MACF1: variants seen among roughly 807,000 people sequenced by gnomAD.
MACF1 encodes the protein microtubule actin crosslinking factor 1.
A neutral mutation model predicts 854.8 loss-of-function variants in MACF1; 193 were observed. The observed-to-expected ratio is 0.23, with a 90% CI of 0.20 to 0.25. The LOEUF (loss-of-function observed/expected upper bound fraction) is 0.25, where lower values mean the gene tolerates loss of function less well. Among genes scored for constraint, MACF1 ranks in the 10% least tolerant of loss-of-function variants. MACF1 has a pLI of 1.00. For synonymous variants in MACF1, 3,185 were observed against 3,226.7 expected, an observed-to-expected ratio of 0.99 and a Z score of 0.44; for missense variants, 7,722 against 8,929.1, an observed-to-expected ratio of 0.86 and a Z score of 5.45.
In MACF1 at chr1:39,382,169, C is replaced by T; in HGVS notation, c.13848+17C>T. 6.2e-7 allele frequency: 1 copy of T among 1,608,776 alleles called. No homozygotes were observed. The highest frequency in any genetic ancestry group is 8.5e-7 in the Non-Finnish European group (1 of 1,177,870). ...CAGGTCCAGGTGAGCAATATAGCAA[C>T]AAAGAAATTGGAATCACATGAAACT... is the stretch of plus-strand genomic sequence containing the variant. On this transcript the variant is annotated intron_variant, in intron 56 of 100. Coordinates refer to ENST00000564288, the MANE Select transcript of MACF1 (RefSeq NM_001394062.1).
In MACF1 at chr1:39,105,546, T is replaced by G; in HGVS notation, c.220+21108T>G. ...TCTGAGACGCACAAAGGGTCGAGGCTGGGGCCGCCGCCGCCTCAGCGCGCG... is the reference window on the plus strand; with the variant it reads ...TCTGAGACGCACAAAGGGTCGAGGCGGGGGCCGCCGCCGCCTCAGCGCGCG... On this transcript the variant is annotated intron_variant, in intron 2 of 93. Coordinates refer to the MACF1 transcript ENST00000361689. This position sits in a 1 kb window ranked among gnomAD's most constrained non-coding sequence, Gnocchi z 5.9. 9.4e-7 allele frequency: 1 copy of G among 1,064,896 alleles called. No individual in the cohort carries two copies. The highest frequency in any genetic ancestry group is 1.1e-6 in the Non-Finnish European group (1 of 880,158). 66.0% of individuals were successfully genotyped at this position (1,064,896 alleles called of 1,614,324 possible).
At chr1:39,435,465 C>A in intron 69 of MACF1, 93 bp from the exon 70 acceptor site, 1 of 1,051,930 alleles carries the variant, frequency 9.5e-7, no homozygotes, top group Non-Finnish European at 1.4e-6. Flanking sequence ...TTTGTTTGTT[C>A]CTCTTAAAGT....
intron 26 of MACF1, 101 bp downstream of exon 26, chr1:39,311,101 C>CA: frequency 7.8e-7 from 1 of 1,279,070 alleles, no homozygotes; most frequent in Admixed American, 2.4e-5. Context: ...GCAATAGACT[C>CA]AAGACAGTCC....
At chr1:39,413,319 T>C (rs1569962592) in intron 58 of MACF1, 1 of 1,497,440 alleles carries the variant, frequency 6.7e-7, no homozygotes, top group African/African-American at 1.7e-5. Context: ...CCCCAGCTGC[T>C]GCAGTGCCCA....
rs1430130654 is a variant in MACF1, at chr1:39,432,905, G to A, written c.17458-143G>A. Reference sequence around the variant, plus strand: ...TTTTTGTAAGCTACTAAAAAGATAAGCTAGAGAAGATGTTGGATAGGCAAA... The same window carrying A: ...TTTTTGTAAGCTACTAAAAAGATAAACTAGAGAAGATGTTGGATAGGCAAA... On this transcript the variant is annotated intron_variant, in intron 67 of 100. Coordinates refer to ENST00000564288, the MANE Select transcript of MACF1 (RefSeq NM_001394062.1). 3.7e-5 allele frequency: 23 copies of A among 615,882 alleles called. 1 individual carries two copies. In the South Asian group the frequency reaches 6.2e-4, roughly 17 times the overall value. 38.2% of individuals were successfully genotyped at this position (615,882 alleles called of 1,614,324 possible).
At chr1:39,085,344 T>A (rs942378655) in intron 2 of MACF1, among the ~76,000 whole-genome samples, 3 of 152,238 alleles carry the variant, frequency 2.0e-5, no homozygotes, top group Non-Finnish European at 1.5e-5. Context: ...GTGCTCAGCA[T>A]CTCAGCAGGG....
intron 70 of MACF1, chr1:39,436,325 T>C: frequency 1.4e-6 from 1 of 703,504 alleles, no homozygotes; most frequent in South Asian, 1.7e-5. Flanking sequence ...TCAATATTCT[T>C]GGTTAATATT....
intron 6 of MACF1, among the ~76,000 whole-genome samples, chr1:39,267,131 T>C (rs1557552846): frequency 6.6e-6 from 1 of 152,180 alleles, no homozygotes; most frequent in Non-Finnish European, 1.5e-5. Flanking sequence ...GTAGTTGGGG[T>C]TGAAATTAAA....
In MACF1 at chr1:39,272,844, A is replaced by G. The variant is rs546008150; in HGVS notation, c.529-9364A>G. 3.9e-5 allele frequency among the ~76,000 whole-genome samples: 6 copies of G among 152,292 alleles called. No individual in the cohort carries two copies. The South Asian group carries it at 1.0e-3, about 26-fold the overall frequency. On this transcript the variant is annotated intron_variant, in intron 6 of 100. Coordinates refer to ENST00000564288, the MANE Select transcript of MACF1 (RefSeq NM_001394062.1). ...GCAAGATGACAAGGGTCAGCTGACA[A>G]ATATGTTTTCAGAATGACAAGTAGA... is the stretch of plus-strand genomic sequence containing the variant.
chr1:39,235,954 T>C (rs1337578569), intron 2 of MACF1, among the ~76,000 whole-genome samples: 1 of 152,150 alleles, frequency 6.6e-6, no homozygotes, highest in East Asian at 1.9e-4. Context: ...CCCAGGCTTG[T>C]CTTCTACTCC....
At position 39,336,451 on chromosome 1, in the gene MACF1, A is replaced by C. The variant is rs1368246156; in HGVS notation, c.9863A>C (p.Gln3288Pro). ...TCTCAAAAAGAGAATACAGGGCAAC[A>C]GAATGCCATCATTAGTCCTACTGTT... ...GVSQKENTGQQNAIISPTVLE... is the reference protein window; with the variant it reads ...GVSQKENTGQPNAIISPTVLE... The change falls in exon 37 of 101, where the codon CAG (glutamine) becomes CCG (proline). Residue 3288 changes from glutamine (Q) to proline (P), a missense_variant. Gln to Pro is a moderately conservative substitution (Grantham distance 76, BLOSUM62 -1). Transcript: ENST00000564288. 1 of 1,614,216 alleles carries C rather than the reference A, an allele frequency of 6.2e-7. No individual in the cohort carries two copies. Among genetic ancestry groups the C allele is most frequent in the East Asian group, 2.2e-5 (1 of 44,888 alleles).
chr1:39,106,692 G>A (rs1175215274), intron 2 of MACF1, among the ~76,000 whole-genome samples: 1 of 152,014 alleles, frequency 6.6e-6, no homozygotes, highest in East Asian at 1.9e-4. Context: ...TTTATCTGAA[G>A]GAGAGGAAAC....
chr1:39,440,201 C>T (rs4660751), intron 72 of MACF1, among the ~76,000 whole-genome samples: 23,387 of 147,004 alleles, frequency 0.16, 2,332 homozygotes, highest in Middle Eastern at 0.22. Flanking sequence ...CAGCATCCAC[C>T]TCCCGGGCTC....
chr1:39,242,490 A>C (rs953192629), intron 2 of MACF1, among the ~76,000 whole-genome samples: 1 of 151,872 alleles, frequency 6.6e-6, no homozygotes, highest in Non-Finnish European at 1.5e-5. Flanking sequence ...TGATGGATCA[A>C]GCCTGTAATC....
At chr1:39,263,688 A>G (rs1445158200) in intron 6 of MACF1, among the ~76,000 whole-genome samples, 2 of 151,990 alleles carry the variant, frequency 1.3e-5, no homozygotes, top group Non-Finnish European at 2.9e-5. Flanking sequence ...TTCATAAACA[A>G]TATGTACTGT....
intron 2 of MACF1, among the ~76,000 whole-genome samples, chr1:39,235,242 G>A (rs1194723890): frequency 1.3e-5 from 2 of 152,340 alleles, no homozygotes; most frequent in South Asian, 2.1e-4. Flanking sequence ...ACGAGACTCC[G>A]TCTGCAATCC....
chr1:39,381,461 G>T (rs1036778073), intron 55 of MACF1, among the ~76,000 whole-genome samples: 16 of 148,706 alleles, frequency 1.1e-4, no homozygotes, highest in Admixed American at 5.5e-4. Context: ...CGACTTCCCT[G>T]GCTCAAGCAA....
rs991583878 is a variant in MACF1, at chr1:39,293,727, T to C, written c.2154+108T>C. 1.4e-5 allele frequency: 14 copies of C among 1,035,640 alleles called. No homozygotes were observed. The African/African-American group carries it at 1.9e-4, about 14-fold the overall frequency. 64.2% of individuals were successfully genotyped at this position (1,035,640 alleles called of 1,614,324 possible). A position where few individuals can be genotyped will look rare whatever the true frequency, so the allele number is the denominator to read the frequency against. On this transcript the variant is annotated intron_variant, in intron 18 of 100. Transcript: ENST00000564288. ...GTGGCTGGAGTTGCACTCTGCTAGA[T>C]AGAAATAGGGGCCCTACTCAATGCA... is the stretch of plus-strand genomic sequence containing the variant.
chr1:39,166,795 G>C (rs535660894), intron 2 of MACF1, among the ~76,000 whole-genome samples: 7 of 151,806 alleles, frequency 4.6e-5, no homozygotes, highest in Admixed American at 3.3e-4. Context: ...AACAACTAGG[G>C]TGGGTATTTT....
Sources: gnomAD v4.1 joint callset for allele counts (sites outside exome capture counted in the v4.1 genomes callset) on GRCh38, gnomAD v4.1.1 for gene constraint, Gnocchi (gnomAD v3.1) non-coding constraint, MANE v1.5 for transcripts, NCBI Gene and HGNC (gene_info 2026-07-23, HGNC 2026-07-21) for gene names.